The following ZNF713 variants were observed in gnomAD, a reference collection of about 807,000 sequenced individuals.
ZNF713 encodes the protein zinc finger protein 713.
Under a neutral mutation model 28.7 loss-of-function variants are expected in ZNF713, and 21 were observed. The observed-to-expected ratio is 0.73, with a 90% confidence interval of 0.52 to 1.05. The LOEUF is 1.05. ZNF713 is among the 50% of genes least tolerant of loss of function. The probability of loss-of-function intolerance (pLI) is 0.00; values close to 1 mark genes in which losing one functional copy is unlikely to be tolerated. For synonymous variants in ZNF713, 167 were observed against 178.0 expected (o/e 0.94, Z 0.49); for missense variants, 458 against 532.4 (o/e 0.86, Z 1.37).
chr7:55,896,345 A>G (rs541090711), intron 1 of ZNF713, among the ~76,000 whole-genome samples: 5 of 152,280 alleles, frequency 3.3e-5, no homozygotes, highest in African/African-American at 1.2e-4. Context: ...AAAGAATTCC[A>G]CATAAATGCT....
At position 55,939,789 on chromosome 7, in the gene ZNF713, G is replaced by A. The variant is rs1185738884; in HGVS notation, c.1115G>A (p.Cys372Tyr). Residue 372 changes from cysteine (C) to tyrosine (Y), a missense_variant, in exon 7 of 7, where the codon TGT becomes TAT. Cys to Tyr is a radical substitution (Grantham distance 194). Transcript: ENST00000429591. ...CATACCGGAGAGAAACCTTACGAAT[G>A]TGGTTTCTGTGGCAAAGCCTTCAGT... ...RLHTGEKPYECGFCGKAFSQR... is the reference protein window; with the variant it reads ...RLHTGEKPYEYGFCGKAFSQR... The A allele has an allele frequency of 3.1e-6, 5 of 1,614,176 alleles. No homozygotes were observed. Among genetic ancestry groups the A allele is most frequent in the Admixed American group, 3.3e-5 (2 of 60,020 alleles).
intron 6 of ZNF713, among the ~76,000 whole-genome samples, chr7:55,927,328 C>T (rs1786115763): frequency 6.6e-6 from 1 of 152,082 alleles, no homozygotes; most frequent in Admixed American, 6.6e-5. Flanking sequence ...GAGTTCAAGA[C>T]CAGCCTGGGC....
chr7:55,934,262 T>A (rs1223581685), intron 6 of ZNF713, among the ~76,000 whole-genome samples: 1 of 152,104 alleles, frequency 6.6e-6, no homozygotes, highest in African/African-American at 2.4e-5. Flanking sequence ...ATATATGTAC[T>A]TGCGCACAAA....
intron 6 of ZNF713, among the ~76,000 whole-genome samples, chr7:55,928,052 T>A (rs1786136180): frequency 6.6e-6 from 1 of 151,976 alleles, no homozygotes; most frequent in Non-Finnish European, 1.5e-5. Flanking sequence ...TGACTTCTGT[T>A]TTCTTGGCAA....
At chr7:55,937,237 G>A (rs1273620386) in intron 6 of ZNF713, among the ~76,000 whole-genome samples, 3 of 152,052 alleles carry the variant, frequency 2.0e-5, no homozygotes, top group Non-Finnish European at 2.9e-5. Flanking sequence ...AAGACAAGAG[G>A]TTGCAGGGAG....
chr7:55,896,585 A>ATG (rs532438365), intron 1 of ZNF713, among the ~76,000 whole-genome samples: 6,742 of 129,204 alleles, frequency 0.052, 173 homozygotes, highest in Admixed American at 0.075. Context: ...TTTAATATAT[A>ATG]TGTGTGTGTG....
At chr7:55,891,538 C>T (rs1785379150) in intron 1 of ZNF713, among the ~76,000 whole-genome samples, 1 of 151,704 alleles carries the variant, frequency 6.6e-6, no homozygotes, top group African/African-American at 2.4e-5. Context: ...ACAACAACAA[C>T]AACAAAAAGC....
intron 4 of ZNF713, chr7:55,918,062 T>C (rs970214785): frequency 2.2e-6 from 1 of 456,510 alleles, no homozygotes; most frequent in Non-Finnish European, 4.4e-6. Context: ...CTGTGTGCTC[T>C]CCATTGGATC....
chr7:55,898,747 T>C (rs1209244212), intron 1 of ZNF713, among the ~76,000 whole-genome samples: 1 of 152,100 alleles, frequency 6.6e-6, no homozygotes, highest in Admixed American at 6.6e-5. Context: ...AATTTTAAGA[T>C]GGACAAATGT....
At chr7:55,927,784 CTA>C (rs1162783459) in intron 6 of ZNF713, among the ~76,000 whole-genome samples, 3 of 149,308 alleles carry the variant, frequency 2.0e-5, no homozygotes, top group Non-Finnish European at 4.4e-5. Context: ...GTAATCCCAG[CTA>C]CTCGGGAAGC....
At chr7:55,914,362 G>A (rs1282147280) in intron 4 of ZNF713, among the ~76,000 whole-genome samples, 1 of 151,802 alleles carries the variant, frequency 6.6e-6, no homozygotes, top group Non-Finnish European at 1.5e-5. Flanking sequence ...TTTTTGGTTT[G>A]TTTTTTGTTT....
chr7:55,918,043 T>C (rs1031449510), intron 4 of ZNF713: 3 of 456,684 alleles, frequency 6.6e-6, no homozygotes, highest in African/African-American at 4.0e-5. Context: ...CCATTATAGA[T>C]GTGGAGATCT....
chr7:55,914,369 GT>G (rs1235093951), intron 4 of ZNF713, among the ~76,000 whole-genome samples: 2 of 151,786 alleles, frequency 1.3e-5, no homozygotes, highest in African/African-American at 2.4e-5. Flanking sequence ...TTTGTTTTTT[GT>G]TTTTTGTAGA....
chr7:55,894,708 A>G (rs1047022044), intron 1 of ZNF713, among the ~76,000 whole-genome samples: 2 of 152,346 alleles, frequency 1.3e-5, no homozygotes, highest in East Asian at 3.9e-4. Context: ...GCTGTTGTCT[A>G]TAAAAGCAAG....
intron 6 of ZNF713, among the ~76,000 whole-genome samples, chr7:55,928,496 GA>G (rs1164575826): frequency 2.6e-5 from 4 of 152,084 alleles, no homozygotes; most frequent in Non-Finnish European, 4.4e-5. Context: ...GACAGAATGT[GA>G]GTAAGGCAGG....
rs1204111607 is a variant in ZNF713, at chr7:55,892,502, A to G, written c.-583+4822A>G. Among the ~76,000 whole-genome samples, 24 of 137,334 alleles carry G rather than the reference A, an allele frequency of 1.7e-4. No homozygotes were observed. The Admixed American group carries it at 1.9e-3, about 11-fold the overall frequency. The allele number at this position is 137,334 out of a possible 152,430, so 90.1% of individuals were successfully genotyped here. ...AAAAGCATAACAAGTTTATTTGGTA[A>G]TAGTTTTATAACTTCCCCTTTGCCC... On this transcript the variant is annotated intron_variant, in intron 1 of 6. Transcript: ENST00000429591.
intron 1 of ZNF713, among the ~76,000 whole-genome samples, chr7:55,900,855 G>C (rs1038793067): frequency 2.0e-5 from 3 of 151,890 alleles, no homozygotes; most frequent in Non-Finnish European, 2.9e-5. Context: ...TTTTCTTTTA[G>C]AGATGGGGTT....
At chr7:55,901,453 A>G (rs78296099) in intron 1 of ZNF713, among the ~76,000 whole-genome samples, 6,641 of 152,324 alleles carry the variant, frequency 0.044, 173 homozygotes, top group South Asian at 0.062. Context: ...CACATCAACT[A>G]TGTAAATATA....
Position 55,908,061 on chromosome 7 carries a change from A to G in ZNF713, c.-456+1682A>G, listed in dbSNP as rs1785715661. Among the ~76,000 whole-genome samples, 5 of 151,188 alleles carry G rather than the reference A, an allele frequency of 3.3e-5. No homozygotes were observed. The South Asian group carries it at 1.0e-3, about 32-fold the overall frequency. ...TGCTGTTTTTCATTGAGGTTGTACT[A>G]ATACTAATTTACATTCCCACCAGCA... On this transcript the variant is annotated intron_variant, in intron 2 of 6. Transcript: ENST00000429591.
Sources: allele counts gnomAD v4.1 joint callset (sites outside exome capture counted in the v4.1 genomes callset), GRCh38; gene constraint gnomAD v4.1.1; transcripts MANE v1.5; gene names NCBI Gene and HGNC (gene_info 2026-07-23, HGNC 2026-07-21).